Variants in OSCP1 observed in about 807,000 individuals in gnomAD.
OSCP1 encodes protein OSCP1.
A neutral mutation model predicts 45.1 loss-of-function variants in OSCP1; 35 were observed. That is an observed-to-expected ratio of 0.78 (90% CI 0.59 to 1.03). OSCP1 has a LOEUF of 1.03. Ranked by LOEUF, OSCP1 falls within the 50% of genes least tolerant of loss-of-function variation. The probability of loss-of-function intolerance (pLI) is 0.00; values close to 1 mark genes in which losing one functional copy is unlikely to be tolerated. For missense variants in OSCP1, 400 were observed against 470.7 expected, an observed-to-expected ratio of 0.85 and a Z score of 1.39; for synonymous variants, 179 against 180.1, an observed-to-expected ratio of 0.99 and a Z score of 0.05.
chr1:36,434,360 A>G (rs1209183782), intron 2 of OSCP1, among the ~76,000 whole-genome samples: 1 of 152,236 alleles, frequency 6.6e-6, no homozygotes, highest in East Asian at 1.9e-4. Flanking sequence ...TTTGACCTCA[A>G]GACTATCAGA....
At position 36,447,512 on chromosome 1, in the gene OSCP1, A is replaced by AG. The variant is rs1354584249; in HGVS notation, c.112+2745_112+2746insC. 3.3e-5 allele frequency among the ~76,000 whole-genome samples: 5 copies of AG among 152,276 alleles called. No homozygotes were observed. The highest frequency in any genetic ancestry group is 9.6e-5 in the African/African-American group (4 of 41,552). On this transcript the variant is annotated intron_variant, in intron 1 of 9. Coordinates refer to ENST00000235532, the MANE Select transcript of OSCP1 (RefSeq NM_145047.5). This position sits in a 1 kb window ranked among gnomAD's most constrained non-coding sequence, Gnocchi z 4.1. ...GGCTGAGTATGAGGACATTGGTTAT[A>AG]TGAGGGGACATTGGTTATAGTAAGG...
chr1:36,441,947 G>A (rs984889467), intron 1 of OSCP1, among the ~76,000 whole-genome samples: 4 of 150,538 alleles, frequency 2.7e-5, no homozygotes, highest in Non-Finnish European at 5.9e-5. Context: ...GCTAAGGGGG[G>A]CCGGGCGCAG....
chr1:36,432,638 G>T (rs546228324), intron 2 of OSCP1, 49 bp from the exon 3 acceptor site: 223 of 1,608,508 alleles, frequency 1.4e-4, no homozygotes, highest in Admixed American at 2.7e-4. Flanking sequence ...TCAAAATCAG[G>T]TGTGAGAATC....
rs1427066700 is a variant in OSCP1, at chr1:36,447,649, G to T, written c.112+2609C>A. ...CAAATTAGTCTTAGTTTCTCCATCTGTAAAATGGGGATAGTAATATTACCT... is the reference window on the plus strand; with the variant it reads ...CAAATTAGTCTTAGTTTCTCCATCTTTAAAATGGGGATAGTAATATTACCT... On this transcript the variant is annotated intron_variant, in intron 1 of 9. Transcript: ENST00000235532. This position sits in a 1 kb window ranked among gnomAD's most constrained non-coding sequence, Gnocchi z 4.1. Among the ~76,000 whole-genome samples the T allele has an allele frequency of 2.0e-5, 3 of 152,212 alleles. No homozygotes were observed. Among genetic ancestry groups the T allele is most frequent in the Admixed American group, 2.0e-4 (3 of 15,284 alleles).
chr1:36,432,639 T>C (rs1648449544), intron 2 of OSCP1, 50 bp from the exon 3 acceptor site: 1 of 1,607,804 alleles, frequency 6.2e-7, no homozygotes. Flanking sequence ...CAAAATCAGG[T>C]GTGAGAATCT....
chr1:36,437,134 T>C (rs1204990587), intron 2 of OSCP1, among the ~76,000 whole-genome samples: 1 of 152,168 alleles, frequency 6.6e-6, no homozygotes, highest in Non-Finnish European at 1.5e-5. Context: ...CTTTCCATAC[T>C]GTACTCTTTA....
chr1:36,435,974 G>C (rs776935163), intron 2 of OSCP1, among the ~76,000 whole-genome samples: 2 of 151,942 alleles, frequency 1.3e-5, no homozygotes, highest in Non-Finnish European at 2.9e-5. Flanking sequence ...AGAGGTAAGA[G>C]GGCCCAGTTA....
chr1:36,436,365 C>T (rs1387400748), intron 2 of OSCP1, among the ~76,000 whole-genome samples: 2 of 152,026 alleles, frequency 1.3e-5, no homozygotes, highest in African/African-American at 2.4e-5. Context: ...CCGCCTCAGC[C>T]TCCCAAAGTG....
At chr1:36,441,165 C>G (rs1649119640) in intron 1 of OSCP1, among the ~76,000 whole-genome samples, 1 of 152,176 alleles carries the variant, frequency 6.6e-6, no homozygotes, top group African/African-American at 2.4e-5. Flanking sequence ...TCCTTGTGGG[C>G]AGAGCAGTGA....
At chr1:36,435,767 G>A (rs1648687345) in intron 2 of OSCP1, among the ~76,000 whole-genome samples, 1 of 151,894 alleles carries the variant, frequency 6.6e-6, no homozygotes, top group Non-Finnish European at 1.5e-5. Flanking sequence ...CAAGTAGCTG[G>A]GATTACAGGC....
chr1:36,437,353 A>G (rs185658334), intron 2 of OSCP1, among the ~76,000 whole-genome samples: 219 of 152,050 alleles, frequency 1.4e-3, no homozygotes, highest in African/African-American at 4.9e-3. Context: ...CAGCATCCCA[A>G]TACTTTGTTT....
chr1:36,425,106 GA>G (rs1467389219), intron 4 of OSCP1, among the ~76,000 whole-genome samples: 2 of 151,710 alleles, frequency 1.3e-5, no homozygotes, highest in Non-Finnish European at 2.9e-5. Flanking sequence ...CCCAGAGGTG[GA>G]GGTTGCAGTG....
intron 7 of OSCP1, among the ~76,000 whole-genome samples, chr1:36,420,849 G>A (rs536065096): frequency 1.2e-4 from 18 of 152,310 alleles, no homozygotes; most frequent in South Asian, 2.1e-4. Flanking sequence ...TTCCGCAAGA[G>A]TGGAAGCCCC....
At chr1:36,449,335 G>A (rs950496609) in intron 1 of OSCP1, among the ~76,000 whole-genome samples, 2 of 152,108 alleles carry the variant, frequency 1.3e-5, no homozygotes, top group Non-Finnish European at 2.9e-5. Flanking sequence ...GGTGTCCATG[G>A]GAGGCAGATT....
intron 2 of OSCP1, among the ~76,000 whole-genome samples, chr1:36,435,822 C>CG (rs1268154070): frequency 2.6e-5 from 4 of 151,960 alleles, no homozygotes; most frequent in African/African-American, 9.6e-5. Flanking sequence ...TTAGTAGAGA[C>CG]GGGGTTTCAC....
chr1:36,418,688 G>T, intron 9 of OSCP1: 1 of 350,858 alleles, frequency 2.9e-6, no homozygotes, highest in South Asian at 5.1e-5. Flanking sequence ...AGGCCAAGGC[G>T]GGTGGATCAC....
At chr1:36,423,986 C>A (rs1647815862) in intron 4 of OSCP1, among the ~76,000 whole-genome samples, 1 of 151,836 alleles carries the variant, frequency 6.6e-6, no homozygotes, top group African/African-American at 2.4e-5. Context: ...CACTTTGTCA[C>A]CCAGGCTGGA....
intron 2 of OSCP1, among the ~76,000 whole-genome samples, chr1:36,438,317 C>CAAAA (rs35430845): frequency 5.0e-4 from 37 of 73,718 alleles, no homozygotes; most frequent in Middle Eastern, 9.6e-3. Context: ...AACTCCATCT[C>CAAAA]AAAAAAAAAA....
In OSCP1 at chr1:36,438,777, C is replaced by T. The variant is rs17851613; in HGVS notation, c.246G>A (p.Leu82=). The T allele has an allele frequency of 1.2e-6, 2 of 1,612,430 alleles. No individual in the cohort carries two copies. Among genetic ancestry groups the T allele is most frequent in the East Asian group, 2.2e-5 (1 of 44,876 alleles). ...ERLAHASIMK[L]NQASMDKLYD... Reference sequence around the variant, plus strand: ...TCACCTTATCCATGCTGGCCTGGTTCAGTTTCATAATGGAGGCATGAGCCA... The same window carrying T: ...TCACCTTATCCATGCTGGCCTGGTTTAGTTTCATAATGGAGGCATGAGCCA... Residue 82 remains leucine, a synonymous_variant, in exon 2 of 10, where the codon CTG becomes CTA. Coordinates refer to ENST00000235532, the MANE Select transcript of OSCP1 (RefSeq NM_145047.5).
Sources: gnomAD v4.1 joint callset for allele counts (sites outside exome capture counted in the v4.1 genomes callset) on GRCh38, gnomAD v4.1.1 for gene constraint, Gnocchi (gnomAD v3.1) non-coding constraint, MANE v1.5 for transcripts, NCBI Gene and HGNC (gene_info 2026-07-23, HGNC 2026-07-21) for gene names.